Variants in SORCS2 observed in about 807,000 individuals in gnomAD.
SORCS2 encodes sortilin related VPS10 domain containing receptor 2.
A neutral mutation model predicts 141.6 loss-of-function variants in SORCS2; 100 were observed. The observed-to-expected ratio is 0.71, with a 90% confidence interval of 0.60 to 0.83. The LOEUF is 0.83. Among genes scored for constraint, SORCS2 ranks in the 40% least tolerant of loss-of-function variants. The pLI is 0.00. For synonymous variants in SORCS2, 789 were observed against 676.9 expected, an observed-to-expected ratio of 1.17 and a Z score of -2.57; for missense variants, 1,646 against 1,560.2, an observed-to-expected ratio of 1.05 and a Z score of -0.93.
intron 3 of SORCS2, among the ~76,000 whole-genome samples, chr4:7,616,590 C>G: frequency 1.3e-5 from 2 of 152,306 alleles, no homozygotes; most frequent in Middle Eastern, 6.8e-3. Context: ...TAAGGAGCCC[C>G]GATCTCTGTG....
chr4:7,283,364 G>A (rs555637071), intron 1 of SORCS2, among the ~76,000 whole-genome samples: 1 of 152,348 alleles, frequency 6.6e-6, no homozygotes, highest in Non-Finnish European at 1.5e-5. Context: ...TTGCAGGGGA[G>A]CAGAAGGTGG....
At chr4:7,721,291 C>A (rs576741082) in intron 18 of SORCS2, among the ~76,000 whole-genome samples, 59 of 152,176 alleles carry the variant, frequency 3.9e-4, no homozygotes, top group African/African-American at 1.4e-3. Context: ...ATGACGAAAC[C>A]CTGTCTCTGC....
At chr4:7,679,590 C>T (rs1416493723) in intron 9 of SORCS2, among the ~76,000 whole-genome samples, 1 of 152,152 alleles carries the variant, frequency 6.6e-6, no homozygotes, top group Non-Finnish European at 1.5e-5. Context: ...AGACCGCGGC[C>T]GCACGCCAGG....
intron 2 of SORCS2, among the ~76,000 whole-genome samples, chr4:7,479,228 G>A (rs531317344): frequency 1.3e-5 from 2 of 152,028 alleles, no homozygotes; most frequent in South Asian, 2.1e-4. Context: ...GTATGTGACC[G>A]CACACAGGAC....
At chr4:7,513,546 C>T (rs1732792947) in intron 2 of SORCS2, among the ~76,000 whole-genome samples, 1 of 152,182 alleles carries the variant, frequency 6.6e-6, no homozygotes, top group African/African-American at 2.4e-5. Flanking sequence ...GCTGGGGAGC[C>T]AACAGAGACC....
intron 2 of SORCS2, among the ~76,000 whole-genome samples, chr4:7,523,576 T>C (rs34331669): frequency 0.035 from 5,330 of 152,038 alleles, 103 homozygotes; most frequent in Non-Finnish European, 0.039. Flanking sequence ...AGCTGTCTGA[T>C]ATGGGGTGGT....
intron 1 of SORCS2, among the ~76,000 whole-genome samples, chr4:7,269,069 G>C (rs767480561): frequency 5.9e-5 from 9 of 152,110 alleles, no homozygotes; most frequent in Admixed American, 1.3e-4. Flanking sequence ...GTAGGTCTAG[G>C]AGCCCCACAG....
chr4:7,351,366 G>A lies in SORCS2; in HGVS notation c.481-44922G>A, dbSNP rs554758536. On this transcript the variant is annotated intron_variant, in intron 1 of 26. Transcript: ENST00000507866. ...CTTTCTCCCTCCTCTCCCCATCCCC[G>A]TGGCTGGCACTTGCCTGTTCTCTGC... 2.3e-3 allele frequency among the ~76,000 whole-genome samples: 345 copies of A among 152,134 alleles called. 2 individuals are homozygous for A. Among genetic ancestry groups the A allele is most frequent in the African/African-American group, 7.9e-3 (328 of 41,516 alleles).
intron 4 of SORCS2, among the ~76,000 whole-genome samples, chr4:7,651,154 T>G (rs1721423031): frequency 6.6e-6 from 1 of 150,866 alleles, no homozygotes; most frequent in East Asian, 1.9e-4. Context: ...CGAGCCAGAG[T>G]CAGAGGAGAG....
rs182156208 is a variant in SORCS2, at chr4:7,300,791, A to T, written c.481-95497A>T. On this transcript the variant is annotated intron_variant, in intron 1 of 26. Coordinates refer to ENST00000507866, the MANE Select transcript of SORCS2 (RefSeq NM_020777.3). ...CTTCCTCATCTCCAGGCCTTGCTTG[A>T]TTTCTGTCTGCAGCCAGCCTTGACC... is the stretch of plus-strand genomic sequence containing the variant. 1.6e-3 allele frequency among the ~76,000 whole-genome samples: 241 copies of T among 152,170 alleles called. 1 individual carries two copies. The highest frequency in any genetic ancestry group is 5.6e-3 in the African/African-American group (233 of 41,516).
intron 10 of SORCS2, among the ~76,000 whole-genome samples, chr4:7,688,955 C>T (rs1724041883): frequency 6.6e-6 from 1 of 152,172 alleles, no homozygotes; most frequent in Admixed American, 6.5e-5. Flanking sequence ...TACGGGGTGA[C>T]CCCAGCTGTC....
intron 1 of SORCS2, among the ~76,000 whole-genome samples, chr4:7,294,415 C>T (rs1007766717): frequency 4.6e-5 from 7 of 152,004 alleles, no homozygotes; most frequent in South Asian, 2.1e-4. Context: ...TGTGTCTCCC[C>T]GCAGCCGACC....
intron 1 of SORCS2, among the ~76,000 whole-genome samples, chr4:7,222,655 G>A (rs543476847): frequency 2.1e-4 from 32 of 152,188 alleles, no homozygotes; most frequent in Non-Finnish European, 2.9e-4. Flanking sequence ...TAGTGCGGCC[G>A]GGGCAGAGGG....
At chr4:7,238,500 C>T (rs1004102851) in intron 1 of SORCS2, among the ~76,000 whole-genome samples, 9 of 152,106 alleles carry the variant, frequency 5.9e-5, no homozygotes, top group African/African-American at 9.7e-5. Context: ...CACTGGGTGG[C>T]GCTGTGAGCT....
intron 1 of SORCS2, among the ~76,000 whole-genome samples, chr4:7,386,155 A>G (rs1284125629): frequency 1.3e-5 from 2 of 150,712 alleles, no homozygotes; most frequent in African/African-American, 4.9e-5. Flanking sequence ...ACATACAGGT[A>G]CACAGAGATA....
At chr4:7,540,675 C>G (rs1426258098) in intron 3 of SORCS2, among the ~76,000 whole-genome samples, 1 of 152,228 alleles carries the variant, frequency 6.6e-6, no homozygotes, top group Admixed American at 6.5e-5. Context: ...GCCCACACAT[C>G]TGATGAAGAG....
At chr4:7,196,180 G>A (rs1727156642) in intron 1 of SORCS2, among the ~76,000 whole-genome samples, 1 of 152,214 alleles carries the variant, frequency 6.6e-6, no homozygotes, top group Admixed American at 6.5e-5. Flanking sequence ...TTTAGCTGTA[G>A]AAACAAATTG....
At chr4:7,287,362 A>G (rs1193341717) in intron 1 of SORCS2, among the ~76,000 whole-genome samples, 1 of 152,206 alleles carries the variant, frequency 6.6e-6, no homozygotes, top group Non-Finnish European at 1.5e-5. Flanking sequence ...GGTGCGTCCC[A>G]ACGGGTTCTC....
intron 1 of SORCS2, among the ~76,000 whole-genome samples, chr4:7,195,970 A>G (rs1344991834): frequency 2.0e-5 from 3 of 152,222 alleles, no homozygotes; most frequent in Non-Finnish European, 2.9e-5. Flanking sequence ...TAAAAGGAGC[A>G]TTTGATGAGG....
Sources: allele counts gnomAD v4.1 joint callset (sites outside exome capture counted in the v4.1 genomes callset), GRCh38; gene constraint gnomAD v4.1.1; transcripts MANE v1.5; gene names NCBI Gene and HGNC (gene_info 2026-07-23, HGNC 2026-07-21).